The following NUDT6 variants were observed in gnomAD, a reference collection of about 807,000 sequenced individuals.
NUDT6 encodes the protein FAD diphosphatase NUDT6.
In NUDT6, 24 loss-of-function variants were observed where a neutral mutation model predicts 36.8. The observed-to-expected ratio is 0.65, with a 90% CI of 0.47 to 0.92. The LOEUF is 0.92. Ranked by LOEUF, NUDT6 falls within the 40% of genes least tolerant of loss-of-function variation. The pLI, the probability that NUDT6 is intolerant of heterozygous loss-of-function variation, is 0.00. For missense variants in NUDT6, 388 were observed against 392.8 expected (o/e 0.99, Z 0.10); for synonymous variants, 163 against 157.0 (o/e 1.04, Z -0.29).
At chr4:122,910,566 T>C (rs1000490049) in intron 3 of NUDT6, among the ~76,000 whole-genome samples, 1 of 150,672 alleles carries the variant, frequency 6.6e-6, no homozygotes, top group African/African-American at 2.4e-5. Flanking sequence ...ATAATGAAAT[T>C]TTATTTGACA....
intron 1 of NUDT6, 56 bp downstream of exon 1, chr4:122,922,279 T>A: frequency 6.8e-7 from 1 of 1,474,874 alleles, no homozygotes; most frequent in East Asian, 2.3e-5. Flanking sequence ...GGGCCGCGGT[T>A]ATTTCATTAG....
intron 1 of NUDT6, 128 bp downstream of exon 1, chr4:122,922,207 A>G: frequency 2.8e-6 from 2 of 724,988 alleles, no homozygotes; most frequent in Non-Finnish European, 2.1e-6. Context: ...GGTCCAGGTC[A>G]CGCGTGCCTT....
chr4:122,907,841 AT>A (rs1160077735), intron 3 of NUDT6, among the ~76,000 whole-genome samples: 1 of 152,194 alleles, frequency 6.6e-6, no homozygotes, highest in Non-Finnish European at 1.5e-5. Flanking sequence ...TGGGGTCTGG[AT>A]CAGGACCCCC....
At chr4:122,899,027 G>A (rs927610396) in intron 3 of NUDT6, among the ~76,000 whole-genome samples, 3 of 59,192 alleles carry the variant, frequency 5.1e-5, no homozygotes, top group Non-Finnish European at 1.4e-4. Flanking sequence ...GACTACAGGT[G>A]TGCACCACCA....
Position 122,912,575 on chromosome 4 carries a change from C to A in NUDT6, c.491G>T (p.Arg164Leu). Residue 164 changes from arginine (R) to leucine (L), a missense_variant, in exon 3 of 5, where the codon CGA becomes CTA. Physicochemically the swap from Arg to Leu is moderately radical, Grantham distance 102. Transcript: ENST00000304430. ...AAAACAGAAGCAGCTTACTTTATTT[C>A]GATCTTGTACAACCAGTATTTTTCT... Reference protein sequence around the residue: ...STRKILVVQDRNKLKNMWKFP... With the variant: ...STRKILVVQDLNKLKNMWKFP... 2 of 1,590,074 alleles carry A rather than the reference C, an allele frequency of 1.3e-6. No individual in the cohort carries two copies. The highest frequency in any genetic ancestry group is 1.7e-6 in the Non-Finnish European group (2 of 1,159,116).
intron 3 of NUDT6, 74 bp downstream of exon 3, chr4:122,912,494 A>C (rs1327854917): frequency 9.2e-7 from 1 of 1,090,364 alleles, no homozygotes; most frequent in Non-Finnish European, 1.4e-6. Context: ...GGCATATTAA[A>C]ATTTCTATAT....
At chr4:122,909,510 G>A (rs867214072) in intron 3 of NUDT6, among the ~76,000 whole-genome samples, 13 of 151,746 alleles carry the variant, frequency 8.6e-5, no homozygotes, top group African/African-American at 2.4e-4. Context: ...TTTTTACCCC[G>A]AAAACCTCAT....
intron 1 of NUDT6, 25 bp from the exon 2 acceptor site, chr4:122,917,729 A>T (rs1175016411): frequency 6.2e-7 from 1 of 1,606,528 alleles, no homozygotes. Flanking sequence ...AAAAAGTCTA[A>T]ATAATTTCCA....
chr4:122,922,243 TG>T, intron 1 of NUDT6, 91 bp downstream of exon 1: 1 of 1,098,052 alleles, frequency 9.1e-7, no homozygotes, highest in Non-Finnish European at 1.3e-6. Context: ...GGCTCGACAG[TG>T]GTGCACAGAG....
intron 3 of NUDT6, chr4:122,897,898 G>T: frequency 1.9e-6 from 1 of 529,594 alleles, no homozygotes. Context: ...TTCTCTTCAG[G>T]AAATATAAGT....
intron 4 of NUDT6, chr4:122,895,487 C>T (rs1452194295): frequency 2.0e-5 from 3 of 151,996 alleles, no homozygotes; most frequent in Admixed American, 6.6e-5. Flanking sequence ...GTGGGTTTTC[C>T]TGGTGTTTCC....
chr4:122,911,176 TG>T (rs1727726973), intron 3 of NUDT6, among the ~76,000 whole-genome samples: 1 of 152,206 alleles, frequency 6.6e-6, no homozygotes, highest in African/African-American at 2.4e-5. Context: ...GCAAAGGGAT[TG>T]GAACTCTGGT....
At chr4:122,921,311 C>G (rs1479502827) in intron 1 of NUDT6, 1 of 152,072 alleles carries the variant, frequency 6.6e-6, no homozygotes, top group African/African-American at 2.4e-5. Flanking sequence ...TGACTATATT[C>G]AATAAAGATT....
Position 122,917,006 on chromosome 4 carries a change from C to T in NUDT6, c.442+495G>A, listed in dbSNP as rs565267565. On this transcript the variant is annotated intron_variant, in intron 2 of 4. Coordinates refer to ENST00000304430, the MANE Select transcript of NUDT6 (RefSeq NM_007083.5). ...AGAGCAGGATGGTGAGAGATTTCAT[C>T]ACATTACTCAGAACAGCATGCAATT... Among the ~76,000 whole-genome samples the T allele has an allele frequency of 3.3e-5, 5 of 152,256 alleles. No homozygotes were observed. The South Asian group carries it at 1.0e-3, about 32-fold the overall frequency.
At chr4:122,895,128 G>A (rs776825001) in intron 4 of NUDT6, 4 of 152,158 alleles carry the variant, frequency 2.6e-5, no homozygotes, top group Non-Finnish European at 5.9e-5. Context: ...GAGTATGCGG[G>A]AGACCCTTCC....
intron 3 of NUDT6, chr4:122,898,099 T>A (rs1404321040): frequency 6.2e-6 from 1 of 161,464 alleles, no homozygotes; most frequent in Non-Finnish European, 1.4e-5. Flanking sequence ...TAAAATCTAT[T>A]TCCTATATTG....
chr4:122,895,070 CACTA>C (rs1367683860), intron 4 of NUDT6: 2 of 152,166 alleles, frequency 1.3e-5, no homozygotes, highest in Non-Finnish European at 2.9e-5. Context: ...TAACTTGAAT[CACTA>C]ACTGACTGAA....
At chr4:122,913,629 A>G (rs1034771339) in intron 2 of NUDT6, among the ~76,000 whole-genome samples, 1 of 152,208 alleles carries the variant, frequency 6.6e-6, no homozygotes. Flanking sequence ...TCTGAAGCCA[A>G]TTAAATTTTC....
chr4:122,915,484 A>AAAAAAAAAAAC (rs1727815881), intron 2 of NUDT6, among the ~76,000 whole-genome samples: 2 of 125,322 alleles, frequency 1.6e-5, no homozygotes, highest in African/African-American at 6.0e-5. Flanking sequence ...AAAAAAAAAA[A>AAAAAAAAAAAC]AAAAAAAAAA....
Sources: gnomAD v4.1 joint callset for allele counts (sites outside exome capture counted in the v4.1 genomes callset) on GRCh38, gnomAD v4.1.1 for gene constraint, MANE v1.5 for transcripts, NCBI Gene and HGNC (gene_info 2026-07-23, HGNC 2026-07-21) for gene names.